Variants in LOC128462377 observed in about 807,000 individuals in gnomAD.
the LOC128462377 span, among the ~76,000 whole-genome samples, chr16:89,396,949 A>G: frequency 9.2e-6 from 1 of 108,698 alleles, no homozygotes; most frequent in Admixed American, 9.8e-5. Context: ...GGTTTCCCAG[A>G]GCACTGGTGG....
the LOC128462377 span, among the ~76,000 whole-genome samples, chr16:89,379,783 G>A: frequency 6.6e-6 from 1 of 152,240 alleles, no homozygotes; most frequent in African/African-American, 2.4e-5. Flanking sequence ...AACGGGCAAA[G>A]AAGATGTCAG....
chr16:89,327,189 A>G, the LOC128462377 span, among the ~76,000 whole-genome samples: 2 of 152,208 alleles, frequency 1.3e-5, no homozygotes, highest in Admixed American at 6.5e-5. Flanking sequence ...AGTCAACGTC[A>G]CCCAGCATGC....
the LOC128462377 span, among the ~76,000 whole-genome samples, chr16:89,387,953 C>G: frequency 6.7e-6 from 1 of 148,376 alleles, no homozygotes; most frequent in Non-Finnish European, 1.5e-5. Context: ...GCAGAGGCTG[C>G]AGTGAGCCGA....
chr16:89,393,443 T>TCC, the LOC128462377 span, among the ~76,000 whole-genome samples: 1 of 149,714 alleles, frequency 6.7e-6, no homozygotes, highest in African/African-American at 2.5e-5. Flanking sequence ...CCCACCTCAG[T>TCC]CCCCCATGTA....
At chr16:89,409,582 G>C in the LOC128462377 span, among the ~76,000 whole-genome samples, 206 of 152,302 alleles carry the variant, frequency 1.4e-3, no homozygotes, top group Admixed American at 5.4e-3. Flanking sequence ...GGGAGGCAGA[G>C]GAGGAAGGAC....
chr16:89,371,876 G>A, the LOC128462377 span, among the ~76,000 whole-genome samples: 2 of 152,348 alleles, frequency 1.3e-5, no homozygotes, highest in South Asian at 2.1e-4. Context: ...GGTAGACCTG[G>A]TGACCGTGTG....
the LOC128462377 span, among the ~76,000 whole-genome samples, chr16:89,381,132 G>A: frequency 1.3e-5 from 2 of 152,056 alleles, no homozygotes; most frequent in Non-Finnish European, 2.9e-5. Flanking sequence ...AGACCAGCCC[G>A]GCCAACATGG....
the LOC128462377 span, among the ~76,000 whole-genome samples, chr16:89,363,859 C>A: frequency 6.6e-6 from 1 of 152,048 alleles, no homozygotes; most frequent in Admixed American, 6.5e-5. Flanking sequence ...AGTTCGAGAC[C>A]AGCCTGGCCA....
the LOC128462377 span, among the ~76,000 whole-genome samples, chr16:89,317,452 C>G: frequency 1.3e-5 from 2 of 152,214 alleles, no homozygotes; most frequent in Non-Finnish European, 2.9e-5. Flanking sequence ...GTCCCTTCCC[C>G]GCATTACAGG....
the LOC128462377 span, among the ~76,000 whole-genome samples, chr16:89,381,046 G>A: frequency 6.6e-6 from 1 of 152,184 alleles, no homozygotes; most frequent in African/African-American, 2.4e-5. Flanking sequence ...AGGGCGGCTG[G>A]GCGAGGTGGC....
chr16:89,401,388 C>G, the LOC128462377 span, among the ~76,000 whole-genome samples: 1 of 152,114 alleles, frequency 6.6e-6, no homozygotes, highest in African/African-American at 2.4e-5. Flanking sequence ...AAATTTCTCT[C>G]TTGATTATGC....
At chr16:89,381,900 C>A in the LOC128462377 span, among the ~76,000 whole-genome samples, 1 of 152,234 alleles carries the variant, frequency 6.6e-6, no homozygotes, top group Non-Finnish European at 1.5e-5. Flanking sequence ...TGACCACAGT[C>A]CAGCCGACTG....
the LOC128462377 span, among the ~76,000 whole-genome samples, chr16:89,343,244 C>T: frequency 5.9e-5 from 9 of 152,308 alleles, no homozygotes; most frequent in East Asian, 5.8e-4. Context: ...CCACCCAGCT[C>T]GGCCTCCCGA....
At chr16:89,319,445 G>T in the LOC128462377 span, among the ~76,000 whole-genome samples, 1 of 152,226 alleles carries the variant, frequency 6.6e-6, no homozygotes. Context: ...CCGGGGACTC[G>T]GGAGTGTTGT....
At chr16:89,418,132 T>TA in the LOC128462377 span, among the ~76,000 whole-genome samples, 4 of 152,264 alleles carry the variant, frequency 2.6e-5, no homozygotes, top group African/African-American at 9.6e-5. Flanking sequence ...GAATACACTC[T>TA]AAGTGAAATC....
At chr16:89,387,302 T>A in the LOC128462377 span, among the ~76,000 whole-genome samples, 2 of 151,524 alleles carry the variant, frequency 1.3e-5, no homozygotes, top group Admixed American at 6.6e-5. Flanking sequence ...AGGAAGGGGC[T>A]GCGTCTGTGG....
the LOC128462377 span, among the ~76,000 whole-genome samples, chr16:89,397,510 C>T: frequency 2.6e-5 from 4 of 152,240 alleles, 1 homozygote; most frequent in South Asian, 4.1e-4. Flanking sequence ...GCTATCCGCG[C>T]TCCTTTCTGT....
the LOC128462377 span, among the ~76,000 whole-genome samples, chr16:89,334,169 A>AAAAAAAAAC: frequency 9.3e-6 from 1 of 107,290 alleles, no homozygotes; most frequent in Non-Finnish European, 1.9e-5. Context: ...AAAAAAAAAA[A>AAAAAAAAAC]AAAACAGAGA....
chr16:89,389,420 G>GA, the LOC128462377 span, among the ~76,000 whole-genome samples: 3 of 151,686 alleles, frequency 2.0e-5, no homozygotes, highest in South Asian at 2.1e-4. Context: ...TTACATAGGA[G>GA]AAAAAAAAGT....
Sources: gnomAD v4.1 joint callset for allele counts (sites outside exome capture counted in the v4.1 genomes callset) on GRCh38, gnomAD v4.1.1 for gene constraint, MANE v1.5 for transcripts.